GALNTL6: variants seen among roughly 807,000 people sequenced by gnomAD.
The protein encoded by GALNTL6 is polypeptide N-acetylgalactosaminyltransferase-like 6.
Under a neutral mutation model 73.7 loss-of-function variants are expected in GALNTL6, and 46 were observed. The ratio of observed to expected loss-of-function variants is 0.62; its 90% confidence interval spans 0.49 to 0.80. The LOEUF (loss-of-function observed/expected upper bound fraction) is 0.80, where lower values mean the gene tolerates loss of function less well. Among genes scored for constraint, GALNTL6 ranks in the 30% least tolerant of loss-of-function variants. The probability of loss-of-function intolerance (pLI) is 0.00; values close to 1 mark genes in which losing one functional copy is unlikely to be tolerated. For synonymous variants in GALNTL6, 259 were observed against 263.7 expected (o/e 0.98, Z 0.17); for missense variants, 604 against 755.0 (o/e 0.80, Z 2.34).
chr4:171,956,128 G>C (rs1175941209), intron 2 of GALNTL6, among the ~76,000 whole-genome samples: 1 of 113,348 alleles, frequency 8.8e-6, no homozygotes, highest in Non-Finnish European at 1.8e-5. Flanking sequence ...ACAGTCTCCA[G>C]AGTAGCGGGA....
At chr4:172,902,562 C>G (rs1018431886) in intron 8 of GALNTL6, among the ~76,000 whole-genome samples, 4 of 152,160 alleles carry the variant, frequency 2.6e-5, no homozygotes, top group African/African-American at 9.7e-5. Flanking sequence ...CCAGGAAAAG[C>G]TCTTGATCAA....
intron 12 of GALNTL6, among the ~76,000 whole-genome samples, chr4:173,022,118 G>GGAAGGAAA (rs1753034585): frequency 7.1e-6 from 1 of 140,260 alleles, no homozygotes; most frequent in Non-Finnish European, 1.6e-5. Context: ...AAAGAAGGAA[G>GGAAGGAAA]GAAGGAAGGA....
intron 7 of GALNTL6, among the ~76,000 whole-genome samples, chr4:172,833,224 G>A (rs73000131): frequency 0.017 from 2,657 of 152,204 alleles, 69 homozygotes; most frequent in African/African-American, 0.057. Flanking sequence ...CAAGTTCTTC[G>A]GTAAGCCAAA....
At chr4:172,075,870 A>G (rs770948389) in intron 2 of GALNTL6, among the ~76,000 whole-genome samples, 2 of 152,180 alleles carry the variant, frequency 1.3e-5, no homozygotes, top group Non-Finnish European at 2.9e-5. Flanking sequence ...TATCCCTAAA[A>G]TATTTTTATC....
chr4:172,339,493 G>T (rs951129473), intron 4 of GALNTL6, among the ~76,000 whole-genome samples: 1 of 152,102 alleles, frequency 6.6e-6, no homozygotes, highest in African/African-American at 2.4e-5. Context: ...AAACTCCAGA[G>T]CAAGCACTCC....
intron 5 of GALNTL6, among the ~76,000 whole-genome samples, chr4:172,362,586 C>G (rs979963139): frequency 6.6e-6 from 1 of 152,062 alleles, no homozygotes; most frequent in Non-Finnish European, 1.5e-5. Context: ...ATTGTGCACA[C>G]TATACCTGGG....
chr4:172,770,055 G>C (rs562706536), intron 5 of GALNTL6, among the ~76,000 whole-genome samples: 15 of 152,206 alleles, frequency 9.9e-5, no homozygotes, highest in Admixed American at 7.9e-4. Flanking sequence ...CCTGAGGTCA[G>C]GAGTTCGAAA....
intron 7 of GALNTL6, among the ~76,000 whole-genome samples, chr4:172,867,144 G>A (rs1291503045): frequency 6.6e-6 from 1 of 152,154 alleles, no homozygotes; most frequent in Non-Finnish European, 1.5e-5. Context: ...GTTGCCCAAA[G>A]GGAGACCCTC....
intron 2 of GALNTL6, among the ~76,000 whole-genome samples, chr4:172,172,931 G>A (rs1262137945): frequency 1.3e-5 from 2 of 152,164 alleles, no homozygotes; most frequent in African/African-American, 4.8e-5. Context: ...ATTTGTGTCT[G>A]GTTTCTGGGA....
intron 12 of GALNTL6, among the ~76,000 whole-genome samples, chr4:173,029,354 T>C (rs1753363537): frequency 6.6e-6 from 1 of 152,224 alleles, no homozygotes; most frequent in Non-Finnish European, 1.5e-5. Flanking sequence ...AACAAATACC[T>C]GCCTGGTTTT....
At position 172,901,825 on chromosome 4, in the gene GALNTL6, T is replaced by G. The variant is rs140950288; in HGVS notation, c.1041+18918T>G. On this transcript the variant is annotated intron_variant, in intron 8 of 12. Coordinates refer to ENST00000506823, the MANE Select transcript of GALNTL6 (RefSeq NM_001034845.3). ...GATGAGTAAATTTCATGCCATAACA[T>G]AAACGTCTACCCTGTAGAATTTTCA... is the stretch of plus-strand genomic sequence containing the variant. Among the ~76,000 whole-genome samples the G allele has an allele frequency of 2.2e-3, 337 of 152,312 alleles. 1 individual carries two copies. Among genetic ancestry groups the G allele is most frequent in the African/African-American group, 7.5e-3 (310 of 41,568 alleles).
chr4:172,194,068 A>T (rs1735673304), intron 2 of GALNTL6, among the ~76,000 whole-genome samples: 1 of 152,146 alleles, frequency 6.6e-6, no homozygotes, highest in African/African-American at 2.4e-5. Context: ...TCTGACCCAA[A>T]GCAAAGAAGC....
At chr4:172,481,832 G>A (rs1030727510) in intron 5 of GALNTL6, among the ~76,000 whole-genome samples, 9 of 152,190 alleles carry the variant, frequency 5.9e-5, no homozygotes, top group Non-Finnish European at 8.8e-5. Flanking sequence ...CTGACTAATG[G>A]ATCCTGTTTC....
At chr4:171,976,317 T>C (rs1231054936) in intron 2 of GALNTL6, among the ~76,000 whole-genome samples, 1 of 152,206 alleles carries the variant, frequency 6.6e-6, no homozygotes, top group African/African-American at 2.4e-5. Flanking sequence ...TTCTAGAAGA[T>C]GTGAAAAATA....
At chr4:172,371,649 C>T (rs1248206717) in intron 5 of GALNTL6, among the ~76,000 whole-genome samples, 1 of 152,028 alleles carries the variant, frequency 6.6e-6, no homozygotes, top group Non-Finnish European at 1.5e-5. Context: ...CTGTCTCCTT[C>T]TCTTTGTCTC....
intron 5 of GALNTL6, among the ~76,000 whole-genome samples, chr4:172,454,886 G>A (rs577893952): frequency 6.6e-6 from 1 of 152,310 alleles, no homozygotes; most frequent in South Asian, 2.1e-4. Flanking sequence ...TCATCATGCA[G>A]GCATTTTTTT....
At chr4:172,013,373 C>A (rs1741081336) in intron 2 of GALNTL6, among the ~76,000 whole-genome samples, 1 of 152,008 alleles carries the variant, frequency 6.6e-6, no homozygotes, top group East Asian at 1.9e-4. Context: ...ATGAGATCAA[C>A]TTTTTTAGCT....
intron 2 of GALNTL6, among the ~76,000 whole-genome samples, chr4:172,055,723 T>A (rs966247534): frequency 6.6e-6 from 1 of 152,120 alleles, no homozygotes; most frequent in Non-Finnish European, 1.5e-5. Flanking sequence ...ATCTGACACA[T>A]GACAAAGTAA....
chr4:172,452,077 T>C (rs1732234146), intron 5 of GALNTL6, among the ~76,000 whole-genome samples: 1 of 152,178 alleles, frequency 6.6e-6, no homozygotes, highest in African/African-American at 2.4e-5. Context: ...GCATAATCTT[T>C]TGAATTCAGA....
Sources: allele counts gnomAD v4.1 joint callset (sites outside exome capture counted in the v4.1 genomes callset), GRCh38; gene constraint gnomAD v4.1.1; transcripts MANE v1.5; gene names NCBI Gene and HGNC (gene_info 2026-07-23, HGNC 2026-07-21).